CLNK: variants seen among roughly 807,000 people sequenced by gnomAD.
The protein encoded by CLNK is cytokine dependent hematopoietic cell linker, also known as cytokine-dependent hematopoietic cell linker.
A neutral mutation model predicts 68.6 loss-of-function variants in CLNK; 74 were observed. That is an observed-to-expected ratio of 1.08 (90% CI 0.89 to 1.31). CLNK has a LOEUF of 1.31. Ranked by LOEUF, CLNK falls within the 50% of genes most tolerant of loss-of-function variation. The pLI is 0.00. For synonymous variants in CLNK, 198 were observed against 172.2 expected, an observed-to-expected ratio of 1.15 and a Z score of -1.17; for missense variants, 553 against 515.3, an observed-to-expected ratio of 1.07 and a Z score of -0.71.
At position 10,566,139 on chromosome 4, in the gene CLNK, A is replaced by G. The variant is rs1322936984; in HGVS notation, c.162T>C (p.Phe54=). 3 of 1,613,530 alleles carry G rather than the reference A, an allele frequency of 1.9e-6. No individual in the cohort carries two copies. The highest frequency in any genetic ancestry group is 1.6e-4 in the Middle Eastern group (1 of 6,080). Residue 54 remains phenylalanine (F), a synonymous_variant, in exon 6 of 19, where the codon TTT becomes TTC. Transcript: ENST00000226951. ...NKPLLDWERN[F]AAVLDGAKGH... ...CTTTTGCTCCATCCAGGACTGCAGC[A>G]AAGTTTCTTTCCTAAGCAGGTGGTA... is the stretch of plus-strand genomic sequence containing the variant.
rs139854464 is a variant in CLNK, at chr4:10,513,010, A to G, written c.906+454T>C. Among the ~76,000 whole-genome samples the G allele has an allele frequency of 5.2e-3, 798 of 152,218 alleles. 8 individuals carry two copies. Among genetic ancestry groups the G allele is most frequent in the Non-Finnish European group, 5.9e-3 (404 of 68,012 alleles). On this transcript the variant is annotated intron_variant, in intron 16 of 18. Coordinates refer to ENST00000226951, the MANE Select transcript of CLNK (RefSeq NM_052964.4). Reference sequence around the variant, plus strand: ...ACATCTCCATTAGGGTGGGGATCATAACCTCTAGCACATTGTCTGGCACAT... The same window carrying G: ...ACATCTCCATTAGGGTGGGGATCATGACCTCTAGCACATTGTCTGGCACAT...
chr4:10,656,178 A>G (rs1723977042), intron 2 of CLNK, among the ~76,000 whole-genome samples: 1 of 152,076 alleles, frequency 6.6e-6, no homozygotes, highest in African/African-American at 2.4e-5. Flanking sequence ...AATGAATCAT[A>G]AGGAAAAGTT....
chr4:10,536,902 C>T (rs760204797), intron 11 of CLNK, among the ~76,000 whole-genome samples: 5 of 151,904 alleles, frequency 3.3e-5, no homozygotes, highest in Admixed American at 1.3e-4. Context: ...CGCAGAGGGA[C>T]GCATTTGGCA....
intron 2 of CLNK, among the ~76,000 whole-genome samples, chr4:10,627,841 G>A (rs1289937040): frequency 6.6e-6 from 1 of 152,176 alleles, no homozygotes; most frequent in African/African-American, 2.4e-5. Context: ...GCTTCACAGA[G>A]TCTGTGAAAT....
chr4:10,610,247 G>A (rs951224670), intron 2 of CLNK, among the ~76,000 whole-genome samples: 4 of 149,136 alleles, frequency 2.7e-5, no homozygotes, highest in African/African-American at 9.8e-5. Context: ...TAGTAGAGAC[G>A]GGGTTTCACC....
intron 7 of CLNK, among the ~76,000 whole-genome samples, chr4:10,562,618 C>T (rs1011146877): frequency 1.3e-5 from 2 of 152,140 alleles, no homozygotes; most frequent in Admixed American, 1.3e-4. Flanking sequence ...GTTGGCCAGG[C>T]TGGTCTCGAA....
In CLNK at chr4:10,580,456, CAGA is replaced by C. The variant is rs1029669726; in HGVS notation, c.112+4468_112+4470del. ...CAGGCAGGCCCTTTCGGAGGGATTC[CAGA>C]AGAAGTCATTGTTATCCTAGTAGAT... On this transcript the variant is annotated intron_variant, in intron 4 of 18. Transcript: ENST00000226951. 5.9e-5 allele frequency among the ~76,000 whole-genome samples: 9 copies of C among 152,088 alleles called. 1 individual carries two copies. The highest frequency in any genetic ancestry group is 4.2e-4 in the South Asian group (2 of 4,808).
chr4:10,592,510 T>C (rs1721216389), intron 3 of CLNK, among the ~76,000 whole-genome samples: 1 of 151,638 alleles, frequency 6.6e-6, no homozygotes, highest in Middle Eastern at 3.2e-3. Context: ...TCTCTCCCTA[T>C]TGAAGTTTCT....
chr4:10,619,786 G>A (rs887698911), intron 2 of CLNK, among the ~76,000 whole-genome samples: 1 of 152,104 alleles, frequency 6.6e-6, no homozygotes, highest in African/African-American at 2.4e-5. Flanking sequence ...TTCCAGTATC[G>A]TGTGGAGCTG....
intron 2 of CLNK, among the ~76,000 whole-genome samples, chr4:10,665,364 G>A (rs765356766): frequency 2.6e-5 from 4 of 152,132 alleles, no homozygotes; most frequent in Non-Finnish European, 5.9e-5. Context: ...GGCATAGGGT[G>A]GAATCATTAA....
chr4:10,619,115 G>T (rs1460444363), intron 2 of CLNK, among the ~76,000 whole-genome samples: 1 of 152,224 alleles, frequency 6.6e-6, no homozygotes, highest in Non-Finnish European at 1.5e-5. Context: ...TACACTGCCA[G>T]TTGCACAGTT....
intron 18 of CLNK, among the ~76,000 whole-genome samples, chr4:10,499,372 C>T (rs972011920): frequency 3.9e-5 from 6 of 152,220 alleles, no homozygotes; most frequent in Middle Eastern, 3.4e-3. Flanking sequence ...ATCCTTTGTT[C>T]GAGTGTTCAA....
intron 8 of CLNK, among the ~76,000 whole-genome samples, chr4:10,550,486 C>G (rs754447148): frequency 6.6e-6 from 1 of 152,074 alleles, no homozygotes; most frequent in African/African-American, 2.4e-5. Flanking sequence ...CACAGGGAGA[C>G]TCTGTCTCAA....
upstream of CLNK, among the ~76,000 whole-genome samples, chr4:10,685,684 A>T (rs79488589): frequency 6.5e-3 from 995 of 152,222 alleles, 8 homozygotes; most frequent in Non-Finnish European, 9.1e-3. Flanking sequence ...CTTAACAGAC[A>T]CCCCAAGGAA....
chr4:10,599,965 A>G (rs564867610), intron 2 of CLNK, among the ~76,000 whole-genome samples: 2 of 152,316 alleles, frequency 1.3e-5, no homozygotes, highest in Non-Finnish European at 2.9e-5. Flanking sequence ...GAATATTATC[A>G]AGTCACCTCC....
At chr4:10,502,997 A>G (rs1163089866) in intron 17 of CLNK, among the ~76,000 whole-genome samples, 1 of 152,238 alleles carries the variant, frequency 6.6e-6, no homozygotes, top group Non-Finnish European at 1.5e-5. Context: ...ATAATTCAGA[A>G]TGATACTAAG....
At chr4:10,516,181 T>TA (rs1256025578) in intron 15 of CLNK, among the ~76,000 whole-genome samples, 1 of 152,094 alleles carries the variant, frequency 6.6e-6, no homozygotes, top group Admixed American at 6.5e-5. Context: ...TTTAAAAACA[T>TA]AAAATCTTTA....
chr4:10,725,571 A>T, the CLNK span, among the ~76,000 whole-genome samples: 3 of 152,120 alleles, frequency 2.0e-5, no homozygotes, highest in Admixed American at 2.0e-4. Flanking sequence ...CCAGCGAAAA[A>T]CACATTCTGT....
intron 8 of CLNK, among the ~76,000 whole-genome samples, chr4:10,545,772 T>G (rs140889731): frequency 1.3e-5 from 2 of 152,164 alleles, no homozygotes; most frequent in Admixed American, 1.3e-4. Context: ...TGAAATCTGG[T>G]TGGAGGTTGC....
Sources: gnomAD v4.1 joint callset for allele counts (sites outside exome capture counted in the v4.1 genomes callset) on GRCh38, gnomAD v4.1.1 for gene constraint, MANE v1.5 for transcripts, NCBI Gene and HGNC (gene_info 2026-07-23, HGNC 2026-07-21) for gene names.